ZMYND8: variants seen among roughly 807,000 people sequenced by gnomAD.
ZMYND8 encodes zinc finger MYND-type containing 8.
Under a neutral mutation model 140.8 loss-of-function variants are expected in ZMYND8, and 37 were observed. That is an observed-to-expected ratio of 0.26 (90% CI 0.20 to 0.35). The LOEUF (loss-of-function observed/expected upper bound fraction) is 0.35, where lower values mean the gene tolerates loss of function less well. Among genes scored for constraint, ZMYND8 ranks in the 10% least tolerant of loss-of-function variants. The probability of loss-of-function intolerance (pLI) is 1.00; values close to 1 mark genes in which losing one functional copy is unlikely to be tolerated. For missense variants in ZMYND8, 1,068 were observed against 1,570.0 expected (o/e 0.68, Z 5.40); for synonymous variants, 592 against 597.1 (o/e 0.99, Z 0.12).
intron 12 of ZMYND8, among the ~76,000 whole-genome samples, chr20:47,251,231 C>T (rs2074142963): frequency 6.6e-6 from 1 of 152,064 alleles, no homozygotes; most frequent in Non-Finnish European, 1.5e-5. Context: ...TAAAGACAGG[C>T]TACTAGAGAC....
rs551079225 is a variant in ZMYND8 at position 47,262,153 on chromosome 20, A to T, written c.1621+135T>A. On this transcript the variant is annotated intron_variant, in intron 12 of 22. Coordinates refer to ENST00000471951, the MANE Select transcript of ZMYND8 (RefSeq NM_001281775.3). Reference sequence around the variant, plus strand: ...TTTTCACAGATCTTTTCTCACCTTCATCCTCTGAAACTTTTGCATTTTTTG... The same window carrying T: ...TTTTCACAGATCTTTTCTCACCTTCTTCCTCTGAAACTTTTGCATTTTTTG... 3 of 1,241,212 alleles carry T rather than the reference A, an allele frequency of 2.4e-6. No individual in the cohort carries two copies. In the African/African-American group the frequency reaches 4.5e-5, roughly 19 times the overall value. 76.9% of individuals were successfully genotyped at this position (1,241,212 alleles called of 1,614,324 possible). A position where few individuals can be genotyped will look rare whatever the true frequency, so the allele number is the denominator to read the frequency against.
intron 14 of ZMYND8, among the ~76,000 whole-genome samples, chr20:47,244,397 T>TA (rs2040300730): frequency 6.6e-6 from 1 of 152,212 alleles, no homozygotes; most frequent in South Asian, 2.1e-4. Flanking sequence ...TTGAATCCTC[T>TA]AACCTAATTG....
At chr20:47,310,647 G>T (rs2078852024) in intron 2 of ZMYND8, among the ~76,000 whole-genome samples, 1 of 152,022 alleles carries the variant, frequency 6.6e-6, no homozygotes, top group Non-Finnish European at 1.5e-5. Flanking sequence ...TTAGCCTGGT[G>T]TGGTGGCACA....
chr20:47,236,633 G>A, intron 15 of ZMYND8, 117 bp from the exon 16 acceptor site: 1 of 1,100,652 alleles, frequency 9.1e-7, no homozygotes. Context: ...ACTTTTAAAT[G>A]ACAAAGATGC....
intron 11 of ZMYND8, among the ~76,000 whole-genome samples, chr20:47,263,185 A>G: frequency 6.6e-6 from 1 of 152,212 alleles, no homozygotes. Flanking sequence ...AGATCCTTCA[A>G]ATCCTGCCCC....
chr20:47,247,806 G>A (rs983657608), intron 13 of ZMYND8, among the ~76,000 whole-genome samples: 9 of 152,200 alleles, frequency 5.9e-5, no homozygotes, highest in African/African-American at 2.2e-4. Context: ...GCCTCCACCA[G>A]GGCTCAATCA....
intron 10 of ZMYND8, among the ~76,000 whole-genome samples, chr20:47,279,983 G>C (rs1287363880): frequency 6.6e-6 from 1 of 151,978 alleles, no homozygotes; most frequent in African/African-American, 2.4e-5. Flanking sequence ...AATTAGTTGG[G>C]CGTAGTGGCA....
chr20:47,341,258 G>T (rs2081853895), intron 2 of ZMYND8, among the ~76,000 whole-genome samples: 1 of 152,178 alleles, frequency 6.6e-6, no homozygotes. Flanking sequence ...GAAGCAAGGT[G>T]GCTCACACCT....
At chr20:47,225,832 T>A (rs2037640103) in intron 18 of ZMYND8, among the ~76,000 whole-genome samples, 1 of 151,688 alleles carries the variant, frequency 6.6e-6, no homozygotes, top group Non-Finnish European at 1.5e-5. Context: ...TTTATGAAAG[T>A]AAGATTCCCT....
rs769024665 is a variant in ZMYND8 at position 47,221,327 on chromosome 20, TTGC to T, written c.3401_3403del (p.Ser1134del). The T allele has an allele frequency of 5.0e-6, 8 of 1,614,020 alleles. No individual in the cohort carries two copies. Among genetic ancestry groups the T allele is most frequent in the Non-Finnish European group, 6.8e-6 (8 of 1,180,038 alleles). On this transcript the variant is annotated inframe_deletion, in exon 20 of 23. Transcript: ENST00000471951. ...GGGGATCCTCACCGAGCCACTCTCC[TTGC>T]TTTTCTCAGCTGACGTCTCCTTCTC... is the stretch of plus-strand genomic sequence containing the variant.
chr20:47,274,547 G>A (rs6018384), intron 11 of ZMYND8, among the ~76,000 whole-genome samples: 2,185 of 152,300 alleles, frequency 0.014, 39 homozygotes, highest in African/African-American at 0.049. Context: ...AAATGGAACC[G>A]TGTCATGAAA....
At chr20:47,234,319 G>T (rs1301865911) in intron 16 of ZMYND8, among the ~76,000 whole-genome samples, 1 of 152,242 alleles carries the variant, frequency 6.6e-6, no homozygotes. Flanking sequence ...AAAGTGCTGG[G>T]ATTACAGGTG....
intron 17 of ZMYND8, among the ~76,000 whole-genome samples, chr20:47,227,821 G>A (rs753654237): frequency 4.6e-5 from 7 of 152,174 alleles, no homozygotes; most frequent in Non-Finnish European, 8.8e-5. Context: ...GGCCAGGTGC[G>A]GTGGCTCGCG....
chr20:47,257,334 CAT>C (rs1300269251), intron 12 of ZMYND8, among the ~76,000 whole-genome samples: 1 of 152,002 alleles, frequency 6.6e-6, no homozygotes, highest in African/African-American at 2.4e-5. Context: ...CACAAATACA[CAT>C]ACACTCACCA....
intron 4 of ZMYND8, among the ~76,000 whole-genome samples, chr20:47,297,191 G>A (rs189826762): frequency 1.6e-4 from 25 of 152,248 alleles, no homozygotes; most frequent in African/African-American, 4.8e-4. Context: ...CAAAGAGAAC[G>A]GCAGCCGCCT....
At chr20:47,226,011 C>T (rs576696793) in intron 18 of ZMYND8, among the ~76,000 whole-genome samples, 2 of 151,830 alleles carry the variant, frequency 1.3e-5, no homozygotes, top group East Asian at 3.9e-4. Flanking sequence ...CTTAGCCAGG[C>T]ATGGTGGTGC....
intron 6 of ZMYND8, among the ~76,000 whole-genome samples, chr20:47,290,582 AGTTT>A (rs2077192636): frequency 9.9e-6 from 1 of 101,340 alleles, no homozygotes; most frequent in Non-Finnish European, 2.0e-5. Context: ...TTATTTATTT[AGTTT>A]TTTTTTTTTT....
Position 47,293,103 on chromosome 20 carries a change from CGAGGAAAGAAGG to C in ZMYND8, c.568-1227_568-1216del, listed in dbSNP as rs1272743133. ...AGGGAGGTAGGGAGGGAGGGAGGGA[CGAGGAAAGAAGG>C]AAGGAAGGAAGGAAGGAAGGAAGGA... On this transcript the variant is annotated intron_variant, in intron 5 of 22. Coordinates refer to ENST00000471951, the MANE Select transcript of ZMYND8 (RefSeq NM_001281775.3). 3.6e-4 allele frequency among the ~76,000 whole-genome samples: 36 copies of C among 99,338 alleles called. 1 individual carries two copies. The highest frequency in any genetic ancestry group is 1.4e-3 in the African/African-American group (35 of 24,524). 65.2% of individuals were successfully genotyped at this position (99,338 alleles called of 152,430 possible). A position where few individuals can be genotyped will look rare whatever the true frequency, so the allele number is the denominator to read the frequency against.
intron 2 of ZMYND8, chr20:47,320,519 G>C (rs1441598054): frequency 6.6e-6 from 1 of 152,512 alleles, no homozygotes; most frequent in Non-Finnish European, 1.5e-5. Flanking sequence ...AGGAGTTCGA[G>C]ACCAGCCTGG....
Sources: gnomAD v4.1 joint callset for allele counts (sites outside exome capture counted in the v4.1 genomes callset) on GRCh38, gnomAD v4.1.1 for gene constraint, MANE v1.5 for transcripts, NCBI Gene and HGNC (gene_info 2026-07-23, HGNC 2026-07-21) for gene names.